The following PPL variants were observed in gnomAD, a reference collection of about 807,000 sequenced individuals.
PPL encodes periplakin.
In PPL, 198 loss-of-function variants were observed where a neutral mutation model predicts 194.4. The observed-to-expected ratio is 1.02, with a 90% CI of 0.91 to 1.15. The LOEUF (loss-of-function observed/expected upper bound fraction) is 1.15, where lower values mean the gene tolerates loss of function less well. Among genes scored for constraint, PPL ranks in the 50% most tolerant of loss-of-function variants. PPL has a pLI of 0.00. For synonymous variants in PPL, 1,220 were observed against 972.4 expected (o/e 1.25, Z -4.74); for missense variants, 2,885 against 2,294.8 (o/e 1.26, Z -5.25).
chr16:4,897,330 C>CT, intron 9 of PPL, among the ~76,000 whole-genome samples: 1 of 76,414 alleles, frequency 1.3e-5, no homozygotes, highest in Non-Finnish European at 2.2e-5. Context: ...GCAAGACTCT[C>CT]TCAAAAAAAA....
In PPL at chr16:4,884,010, A is replaced by C. The variant is rs369574472; in HGVS notation, c.4645T>G (p.Phe1549Val). 8 of 1,613,760 alleles carry C rather than the reference A, an allele frequency of 5.0e-6. No homozygotes were observed. In the African/African-American group the frequency reaches 1.1e-4, roughly 22 times the overall value. The change falls in exon 22 of 22, where the codon TTC (phenylalanine) becomes GTC (valine). Residue 1549 changes from phenylalanine to valine, a missense_variant. Transcript: ENST00000345988. The surrounding 1 kb of genome is among the most constrained non-coding windows in gnomAD (Gnocchi z 5.7). Reference protein sequence around the residue: ...RLEARLSELEFHNSKSSKELD... With the variant: ...RLEARLSELEVHNSKSSKELD... Reference sequence around the variant, plus strand: ...TCCTTGGATGACTTGGAGTTATGGAATTCCAGCTCCGAAAGCCTGGCTTCC... The same window carrying C: ...TCCTTGGATGACTTGGAGTTATGGACTTCCAGCTCCGAAAGCCTGGCTTCC...
At position 4,892,332 on chromosome 16, in the gene PPL, T is replaced by G. The variant is rs1020799602; in HGVS notation, c.1651-119A>C. The G allele has an allele frequency of 9.0e-6, 10 of 1,106,214 alleles. No homozygotes were observed. In the African/African-American group the frequency reaches 9.5e-5, roughly 10 times the overall value. The allele number at this position is 1,106,214 out of a possible 1,614,324, so 68.5% of individuals were successfully genotyped here. Reference sequence around the variant, plus strand: ...CACAGTGGAAGCAGCTGGAGAGGCCTGGCACATTCTGGGGCTCTGACCCGG... The same window carrying G: ...CACAGTGGAAGCAGCTGGAGAGGCCGGGCACATTCTGGGGCTCTGACCCGG... On this transcript the variant is annotated intron_variant, in intron 14 of 21. Coordinates refer to ENST00000345988, the MANE Select transcript of PPL (RefSeq NM_002705.5).
chr16:4,886,003 C>A lies in PPL; in HGVS notation c.2652G>T (p.Arg884Ser). ...ACGCCTCCTCCACTCCAGAGTCCGG[C>A]CTATTCCTTTGCAGGGTCTCATGGG... ...EVTHETLQRNRPDSGVEEAWK... is the reference protein window; with the variant it reads ...EVTHETLQRNSPDSGVEEAWK... The change falls in exon 22 of 22, where the codon AGG (arginine) becomes AGT (serine). Residue 884 changes from arginine to serine, a missense_variant. By Grantham distance (110) the Arg-to-Ser change is moderately radical. Coordinates refer to ENST00000345988, the MANE Select transcript of PPL (RefSeq NM_002705.5). 6.2e-7 allele frequency: 1 copy of A among 1,614,002 alleles called. No homozygotes were observed. Among genetic ancestry groups the A allele is most frequent in the Non-Finnish European group, 8.5e-7 (1 of 1,180,046 alleles).
chr16:4,933,826 C>T (rs2089256696), intron 1 of PPL, among the ~76,000 whole-genome samples: 1 of 152,208 alleles, frequency 6.6e-6, no homozygotes, highest in Non-Finnish European at 1.5e-5. Context: ...TTGTGCAGTG[C>T]ACAGCCTGTC....
chr16:4,895,578 C>G lies in PPL; in HGVS notation c.1095+16G>C, dbSNP rs2088411137. The G allele has an allele frequency of 6.2e-7, 1 of 1,613,686 alleles. No individual in the cohort carries two copies. The highest frequency in any genetic ancestry group is 1.3e-5 in the African/African-American group (1 of 75,050). ...CCCGCCCCCCGGGCCAGCAGGGGTC[C>G]TGGGCCATCGCTCACATCCAGCTCC... On this transcript the variant is annotated intron_variant, in intron 10 of 21. Transcript: ENST00000345988.
In PPL at chr16:4,884,031, C is replaced by T. The variant is rs771948018; in HGVS notation, c.4624G>A (p.Ala1542Thr). The T allele has an allele frequency of 3.1e-6, 5 of 1,613,766 alleles. No homozygotes were observed. The highest frequency in any genetic ancestry group is 3.3e-5 in the Admixed American group (2 of 59,994). The change falls in exon 22 of 22, where the codon GCC becomes ACC. Residue 1542 changes from alanine (A) to threonine (T), a missense_variant. Ala to Thr is a moderately conservative substitution (Grantham distance 58, BLOSUM62 0). Coordinates refer to ENST00000345988, the MANE Select transcript of PPL (RefSeq NM_002705.5). The surrounding 1 kb of genome is among the most constrained non-coding windows in gnomAD (Gnocchi z 5.7). ...ELDVEVSRLE[A>T]RLSELEFHNS... is the part of the protein sequence containing the mutation. ...TGGAATTCCAGCTCCGAAAGCCTGGCTTCCAGCCGGCTCACCTCGACGTCC... is the reference window on the plus strand; with the variant it reads ...TGGAATTCCAGCTCCGAAAGCCTGGTTTCCAGCCGGCTCACCTCGACGTCC...
chr16:4,935,670 G>A (rs1447144204), intron 1 of PPL, among the ~76,000 whole-genome samples: 1 of 152,194 alleles, frequency 6.6e-6, no homozygotes, highest in Non-Finnish European at 1.5e-5. Flanking sequence ...AGGGCAGGGG[G>A]GTTTCTGAAA....
chr16:4,910,910 C>A lies in PPL; in HGVS notation c.102G>T (p.Leu34=). The A allele has an allele frequency of 6.2e-7, 1 of 1,613,702 alleles. No homozygotes were observed. The highest frequency in any genetic ancestry group is 8.5e-7 in the Non-Finnish European group (1 of 1,180,016). ...TCTCCACCTGGTCGGCATTCTTCTG[C>A]AGCTGCTCGATCAGCTCCGAGAGCT... ...NKELSELIEQ[L]QKNADQVEKN... Residue 34 remains leucine (L), a synonymous_variant, in exon 2 of 22, where the codon CTG becomes CTT. Coordinates refer to ENST00000345988, the MANE Select transcript of PPL (RefSeq NM_002705.5).
intron 1 of PPL, among the ~76,000 whole-genome samples, chr16:4,912,559 A>C (rs749219930): frequency 3.9e-5 from 6 of 152,232 alleles, no homozygotes; most frequent in Non-Finnish European, 5.9e-5. Flanking sequence ...TAATTACCTG[A>C]TATTTTTCTT....
At chr16:4,891,664 G>T (rs2088321589) in intron 16 of PPL, 147 bp downstream of exon 16, 2 of 958,752 alleles carry the variant, frequency 2.1e-6, no homozygotes, top group Non-Finnish European at 3.1e-6. Context: ...TGTGCTGTGG[G>T]CCTCCATTTG....
rs1193637187 is a variant in PPL, at chr16:4,927,683, A to C, written c.62+9301T>G. ...ACAGTAAATGTCCTCACACCCAGCT[A>C]TTAATCCTGTGGAAATATATCCTAA... On this transcript the variant is annotated intron_variant, in intron 1 of 21. Transcript: ENST00000345988. 3.3e-5 allele frequency among the ~76,000 whole-genome samples: 5 copies of C among 152,364 alleles called. 1 individual carries two copies. The South Asian group carries it at 1.0e-3, about 32-fold the overall frequency.
At position 4,897,771 on chromosome 16, in the gene PPL, C is replaced by T; in HGVS notation, c.877-1G>A. ...CTGCGTGCACAGCCTCCATGTGCGC[C>T]TGCCAGGAAGAGAAGGGGCCGGTCA... On this transcript the variant is annotated splice_acceptor_variant, in intron 8 of 21. Transcript: ENST00000345988. LOFTEE classifies it high-confidence loss of function. 1 of 1,612,938 alleles carries T rather than the reference C, an allele frequency of 6.2e-7. No homozygotes were observed. Among genetic ancestry groups the T allele is most frequent in the African/African-American group, 1.3e-5 (1 of 75,034 alleles).
At chr16:4,886,380 G>T (rs938119460) in intron 21 of PPL, among the ~76,000 whole-genome samples, 4 of 152,240 alleles carry the variant, frequency 2.6e-5, no homozygotes, top group African/African-American at 9.6e-5. Flanking sequence ...TATGTACCAT[G>T]TGTTTATCTC....
chr16:4,899,496 C>T, intron 6 of PPL, 112 bp from the exon 7 acceptor site: 1 of 1,435,596 alleles, frequency 7.0e-7, no homozygotes, highest in Non-Finnish European at 9.2e-7. Flanking sequence ...ACAAGCCCAG[C>T]TATGGGTGGC....
At chr16:4,891,241 G>C (rs73519125) in intron 16 of PPL, among the ~76,000 whole-genome samples, 2,603 of 152,280 alleles carry the variant, frequency 0.017, 67 homozygotes, top group African/African-American at 0.059. Flanking sequence ...GTGTGAATAA[G>C]GGGCCTCAGG....
Position 4,886,043 on chromosome 16 carries a change from GGCT to G in PPL, c.2609_2611del (p.Gln870del). 1 of 1,613,866 alleles carries G rather than the reference GGCT, an allele frequency of 6.2e-7. No homozygotes were observed. The highest frequency in any genetic ancestry group is 8.5e-7 in the Non-Finnish European group (1 of 1,180,022). On this transcript the variant is annotated inframe_deletion and splice_region_variant, in exon 22 of 22. Transcript: ENST00000345988. Reference sequence around the variant, plus strand: ...GGTCTCATGGGTCACTTCTACTTCCGGCTGCTGTGATGGAGAAGACAAGACAAG... The same window carrying G: ...GGTCTCATGGGTCACTTCTACTTCCGGCTGTGATGGAGAAGACAAGACAAG...
intron 1 of PPL, among the ~76,000 whole-genome samples, chr16:4,929,052 G>A (rs1017929786): frequency 2.1e-5 from 3 of 145,058 alleles, no homozygotes; most frequent in African/African-American, 2.5e-5. Flanking sequence ...AAGATCTGCC[G>A]AGAGTCCTGG....
chr16:4,902,812 C>T lies in PPL; in HGVS notation c.318-286G>A, dbSNP rs150260895. Among the ~76,000 whole-genome samples, 544 of 152,280 alleles carry T rather than the reference C, an allele frequency of 3.6e-3. 2 individuals are homozygous for T. The highest frequency in any genetic ancestry group is 5.6e-3 in the Admixed American group (86 of 15,296). On this transcript the variant is annotated intron_variant, in intron 3 of 21. Transcript: ENST00000345988. This position sits in a 1 kb window ranked among gnomAD's most constrained non-coding sequence, Gnocchi z 4.0. Reference sequence around the variant, plus strand: ...TCAAGCAATTCTCCTGCCTCAACCTCCCGAGTAGCTGGGATTACAGGCATG... The same window carrying T: ...TCAAGCAATTCTCCTGCCTCAACCTTCCGAGTAGCTGGGATTACAGGCATG...
chr16:4,923,694 C>G (rs953794620), intron 1 of PPL, among the ~76,000 whole-genome samples: 1 of 152,090 alleles, frequency 6.6e-6, no homozygotes, highest in African/African-American at 2.4e-5. Flanking sequence ...GGGCAGATTC[C>G]TTAGTCTCTC....
Sources: allele counts gnomAD v4.1 joint callset (sites outside exome capture counted in the v4.1 genomes callset), GRCh38; gene constraint gnomAD v4.1.1; non-coding constraint Gnocchi (gnomAD v3.1); transcripts MANE v1.5; gene names NCBI Gene and HGNC (gene_info 2026-07-23, HGNC 2026-07-21).